Variants in EXOC6 observed in about 807,000 individuals in gnomAD.
EXOC6 encodes exocyst complex component 6, also known as SEC15-like 1.
Under a neutral mutation model 112.5 loss-of-function variants are expected in EXOC6, and 60 were observed. The ratio of observed to expected loss-of-function variants is 0.53; its 90% CI spans 0.43 to 0.66. The LOEUF (loss-of-function observed/expected upper bound fraction) is 0.66. Among genes scored for constraint, EXOC6 ranks in the 30% least tolerant of loss-of-function variants. The probability of loss-of-function intolerance (pLI) is 0.00; values close to 1 mark genes in which losing one functional copy is unlikely to be tolerated. For synonymous variants in EXOC6, 295 were observed against 308.0 expected, an observed-to-expected ratio of 0.96 and a Z score of 0.44; for missense variants, 855 against 957.1, an observed-to-expected ratio of 0.89 and a Z score of 1.41.
chr10:92,963,282 C>T (rs1008950674), intron 17 of EXOC6, among the ~76,000 whole-genome samples: 3 of 152,218 alleles, frequency 2.0e-5, no homozygotes, highest in Admixed American at 1.3e-4. Context: ...ACTTAAATTT[C>T]GATCTTCAGC....
chr10:92,947,506 A>G (rs1473974798), intron 13 of EXOC6, among the ~76,000 whole-genome samples: 2 of 152,244 alleles, frequency 1.3e-5, no homozygotes, highest in African/African-American at 4.8e-5. Flanking sequence ...TCATGACATT[A>G]TGAGAGGCTA....
At chr10:92,859,530 C>T (rs1466046672) in intron 1 of EXOC6, among the ~76,000 whole-genome samples, 1 of 152,134 alleles carries the variant, frequency 6.6e-6, no homozygotes, top group Non-Finnish European at 1.5e-5. Flanking sequence ...AAATTTGGTC[C>T]TCTTTGCAGT....
intron 5 of EXOC6, chr10:92,900,967 C>T (rs908493288): frequency 1.3e-5 from 2 of 151,934 alleles, no homozygotes; most frequent in East Asian, 1.9e-4. Context: ...GAACAGTCCT[C>T]CTGTTCTTTG....
intron 14 of EXOC6, among the ~76,000 whole-genome samples, chr10:92,952,007 A>T (rs1853445876): frequency 6.6e-6 from 1 of 152,140 alleles, no homozygotes; most frequent in Admixed American, 6.5e-5. Context: ...CAGAATACTC[A>T]TCATCAGAAT....
chr10:92,876,777 T>G (rs889166751), intron 1 of EXOC6, among the ~76,000 whole-genome samples: 1 of 152,162 alleles, frequency 6.6e-6, no homozygotes, highest in African/African-American at 2.4e-5. Context: ...CAGTTCATTT[T>G]CCTTAGGAGA....
rs541786034 is a variant in EXOC6, at chr10:93,025,777, C to T, written c.2169+11510C>T. Reference sequence around the variant, plus strand: ...AAGTACATTATGCATTCGGGCAAATCATATGTATACTGCTGCTGATTTTTC... The same window carrying T: ...AAGTACATTATGCATTCGGGCAAATTATATGTATACTGCTGCTGATTTTTC... On this transcript the variant is annotated intron_variant, in intron 20 of 21. Coordinates refer to ENST00000260762, the MANE Select transcript of EXOC6 (RefSeq NM_019053.6). Among the ~76,000 whole-genome samples, 49 of 152,268 alleles carry T rather than the reference C, an allele frequency of 3.2e-4. 1 individual carries two copies. The highest frequency in any genetic ancestry group is 1.5e-3 in the Admixed American group (23 of 15,300).
At chr10:92,895,620 AT>A (rs1352961963) in intron 4 of EXOC6, among the ~76,000 whole-genome samples, 1 of 152,108 alleles carries the variant, frequency 6.6e-6, no homozygotes, top group African/African-American at 2.4e-5. Flanking sequence ...CTTTACCTGG[AT>A]TTAATATACT....
At chr10:93,047,009 C>A (rs1846028887) in intron 20 of EXOC6, among the ~76,000 whole-genome samples, 1 of 152,162 alleles carries the variant, frequency 6.6e-6, no homozygotes, top group African/African-American at 2.4e-5. Flanking sequence ...CTTTGCATGT[C>A]ATGTTAAGGA....
intron 18 of EXOC6, among the ~76,000 whole-genome samples, chr10:92,975,265 C>T (rs1365393094): frequency 6.6e-6 from 1 of 151,534 alleles, no homozygotes; most frequent in Non-Finnish European, 1.5e-5. Context: ...GCGACCCCGT[C>T]TGGGAGGTGA....
At chr10:92,871,717 G>C (rs1848456242) in intron 1 of EXOC6, among the ~76,000 whole-genome samples, 1 of 151,926 alleles carries the variant, frequency 6.6e-6, no homozygotes, top group Admixed American at 6.6e-5. Flanking sequence ...TGAGGCAGGA[G>C]AATCGGTTTG....
intron 20 of EXOC6, among the ~76,000 whole-genome samples, chr10:93,039,793 A>G (rs184785324): frequency 4.8e-4 from 73 of 152,036 alleles, no homozygotes; most frequent in African/African-American, 1.7e-3. Flanking sequence ...CACTTATTCT[A>G]TGCCACCTGA....
At chr10:93,058,170 G>A in intron 21 of EXOC6, 53 bp from the exon 22 acceptor site, 1 of 1,549,908 alleles carries the variant, frequency 6.5e-7, no homozygotes, top group Non-Finnish European at 8.7e-7. Context: ...ACTTGTGACA[G>A]CTTAGCTTTT....
At chr10:92,925,155 A>G (rs1851644818) in intron 8 of EXOC6, among the ~76,000 whole-genome samples, 2 of 152,188 alleles carry the variant, frequency 1.3e-5, no homozygotes, top group Admixed American at 6.6e-5. Flanking sequence ...TTAGTTGTAT[A>G]TTACATTGCA....
At chr10:93,013,085 G>A (rs1262205851) in intron 19 of EXOC6, among the ~76,000 whole-genome samples, 1 of 151,876 alleles carries the variant, frequency 6.6e-6, no homozygotes, top group African/African-American at 2.4e-5. Flanking sequence ...AATGATTACA[G>A]GCATTCTTAT....
intron 19 of EXOC6, among the ~76,000 whole-genome samples, chr10:93,009,637 GA>G (rs1844149602): frequency 6.6e-6 from 1 of 152,160 alleles, no homozygotes; most frequent in African/African-American, 2.4e-5. Flanking sequence ...TCTTCCCAAG[GA>G]AGACGATGAT....
intron 17 of EXOC6, among the ~76,000 whole-genome samples, chr10:92,963,894 A>G (rs771239475): frequency 4.6e-5 from 7 of 152,060 alleles, no homozygotes; most frequent in South Asian, 2.1e-4. Context: ...TTAGTTCATT[A>G]TGGAGCAGAT....
intron 1 of EXOC6, among the ~76,000 whole-genome samples, chr10:92,876,713 T>C (rs1428659002): frequency 6.6e-6 from 1 of 152,180 alleles, no homozygotes; most frequent in Admixed American, 6.6e-5. Flanking sequence ...GTAGGTTCCT[T>C]CTTCCTCTGC....
intron 20 of EXOC6, among the ~76,000 whole-genome samples, chr10:93,016,957 C>T (rs61568973): frequency 0.13 from 19,625 of 151,802 alleles, 1,425 homozygotes; most frequent in African/African-American, 0.18. Context: ...GGACTACAGG[C>T]GTGTGCCACC....
chr10:92,967,417 A>G (rs1842114449), intron 17 of EXOC6, among the ~76,000 whole-genome samples: 1 of 152,090 alleles, frequency 6.6e-6, no homozygotes, highest in Admixed American at 6.6e-5. Flanking sequence ...TTTGGTTAAT[A>G]TTTCAATTGT....
Sources: gnomAD v4.1 joint callset for allele counts (sites outside exome capture counted in the v4.1 genomes callset) on GRCh38, gnomAD v4.1.1 for gene constraint, MANE v1.5 for transcripts, NCBI Gene and HGNC (gene_info 2026-07-23, HGNC 2026-07-21) for gene names.